Variants in FSHR observed in about 807,000 individuals in gnomAD.
The protein encoded by FSHR is follicle stimulating hormone receptor.
FSHR carries 46 observed loss-of-function variants against 52.1 expected under a neutral mutation model. The observed-to-expected ratio is 0.88, with a 90% CI of 0.70 to 1.13. The LOEUF (loss-of-function observed/expected upper bound fraction) is 1.13. Among genes scored for constraint, FSHR ranks in the 50% most tolerant of loss-of-function variants. The probability of loss-of-function intolerance (pLI) is 0.00; values close to 1 mark genes in which losing one functional copy is unlikely to be tolerated. For synonymous variants in FSHR, 399 were observed against 309.6 expected (o/e 1.29, Z -3.03); for missense variants, 964 against 834.6 (o/e 1.16, Z -1.91).
At chr2:48,983,382 C>A (rs1377465552) in intron 6 of FSHR, among the ~76,000 whole-genome samples, 1 of 152,084 alleles carries the variant, frequency 6.6e-6, no homozygotes, top group Non-Finnish European at 1.5e-5. Flanking sequence ...CATGTATTAC[C>A]TATTCAAAGG....
At chr2:48,991,481 C>T (rs1199144373) in intron 4 of FSHR, among the ~76,000 whole-genome samples, 1 of 152,118 alleles carries the variant, frequency 6.6e-6, no homozygotes, top group African/African-American at 2.4e-5. Context: ...TGTAGACTCC[C>T]CTTTCCTATT....
At chr2:49,047,662 A>T (rs1419684124) in intron 2 of FSHR, among the ~76,000 whole-genome samples, 1 of 152,226 alleles carries the variant, frequency 6.6e-6, no homozygotes. Context: ...CAAAAGGCAT[A>T]TTGGGTTGGA....
In FSHR at chr2:49,085,529, G is replaced by T. The variant is rs561943881; in HGVS notation, c.153-17239C>A. Reference sequence around the variant, plus strand: ...GCAGAGCTTTACTTCCAACTATGTGGTCAATTTTGGAATAGGTGTGGTGTG... The same window carrying T: ...GCAGAGCTTTACTTCCAACTATGTGTTCAATTTTGGAATAGGTGTGGTGTG... On this transcript the variant is annotated intron_variant, in intron 1 of 9. Transcript: ENST00000406846. Among the ~76,000 whole-genome samples, 2 of 152,176 alleles carry T rather than the reference G, an allele frequency of 1.3e-5. 1 individual carries two copies. Among genetic ancestry groups the T allele is most frequent in the African/African-American group, 4.8e-5 (2 of 41,444 alleles).
At chr2:49,137,463 G>T (rs1017453782) in intron 1 of FSHR, among the ~76,000 whole-genome samples, 1 of 152,074 alleles carries the variant, frequency 6.6e-6, no homozygotes, top group African/African-American at 2.4e-5. Flanking sequence ...TATCCCAGCT[G>T]ATTTCTTTGA....
intron 1 of FSHR, 91 bp downstream of exon 1, chr2:49,154,175 C>A (rs1673162266): frequency 5.8e-6 from 8 of 1,377,388 alleles, no homozygotes; most frequent in Non-Finnish European, 6.2e-6. Flanking sequence ...ATATTTCAGT[C>A]TAACAGATAT....
chr2:49,129,640 T>TG (rs1031371143), intron 1 of FSHR, among the ~76,000 whole-genome samples: 16 of 152,170 alleles, frequency 1.1e-4, no homozygotes, highest in Non-Finnish European at 2.2e-4. Context: ...CATCACTGAC[T>TG]GGGGGCTCCA....
intron 2 of FSHR, among the ~76,000 whole-genome samples, chr2:49,035,365 C>T (rs1486928049): frequency 6.6e-6 from 1 of 152,234 alleles, no homozygotes; most frequent in Non-Finnish European, 1.5e-5. Context: ...AGACCAAGGA[C>T]AATTGGCATT....
chr2:49,028,970 G>C (rs1295597719), intron 2 of FSHR, among the ~76,000 whole-genome samples: 1 of 152,184 alleles, frequency 6.6e-6, no homozygotes, highest in Non-Finnish European at 1.5e-5. Context: ...TAGTACCCTG[G>C]GTGGTTGCTA....
chr2:49,039,746 T>C (rs572520333), intron 2 of FSHR, among the ~76,000 whole-genome samples: 2 of 152,228 alleles, frequency 1.3e-5, no homozygotes, highest in African/African-American at 4.8e-5. Context: ...CTAAAATATT[T>C]TGCAGGTATA....
chr2:48,975,985 C>T (rs890623263), intron 8 of FSHR, among the ~76,000 whole-genome samples: 8 of 152,198 alleles, frequency 5.3e-5, no homozygotes, highest in Non-Finnish European at 7.3e-5. Context: ...ATTTCTTTCT[C>T]TTGCCTGATT....
intron 2 of FSHR, among the ~76,000 whole-genome samples, chr2:49,055,959 G>A (rs1669047556): frequency 6.6e-6 from 1 of 151,964 alleles, no homozygotes; most frequent in Admixed American, 6.6e-5. Flanking sequence ...ATGACAACAT[G>A]CAAAACTCTA....
chr2:49,045,746 C>A (rs374249922), intron 2 of FSHR, among the ~76,000 whole-genome samples: 273 of 152,290 alleles, frequency 1.8e-3, no homozygotes, highest in African/African-American at 6.3e-3. Flanking sequence ...AGACATCCAT[C>A]CGCTTCTAAA....
chr2:49,126,915 T>A (rs985210716), intron 1 of FSHR, among the ~76,000 whole-genome samples: 2 of 152,166 alleles, frequency 1.3e-5, no homozygotes, highest in Admixed American at 6.5e-5. Flanking sequence ...CCTAAATTCA[T>A]CAGACAGAAA....
rs770473275 is a variant in FSHR at position 49,154,343 on chromosome 2, G to A, written c.75C>T (p.Cys25=). 1.9e-6 allele frequency: 3 copies of A among 1,613,792 alleles called. No homozygotes were observed. Among genetic ancestry groups the A allele is most frequent in the East Asian group, 4.5e-5 (2 of 44,844 alleles). ...GSGCHHRICH[C]SNRVFLCQES... is the part of the protein sequence containing the mutation. ...CTTGGCAGAGAAAAACCCTGTTAGAGCAGTGACAGATCCGATGATGACATC... is the reference window on the plus strand; with the variant it reads ...CTTGGCAGAGAAAAACCCTGTTAGAACAGTGACAGATCCGATGATGACATC... The change falls in exon 1 of 10, where the codon TGC becomes TGT. Residue 25 remains cysteine, a synonymous_variant. Transcript: ENST00000406846.
chr2:48,962,867 G>A lies in FSHR; in HGVS notation c.1954C>T (p.Gln652Ter). 6.2e-7 allele frequency: 1 copy of A among 1,614,090 alleles called. No homozygotes were observed. Among genetic ancestry groups the A allele is most frequent in the African/African-American group, 1.3e-5 (1 of 75,022 alleles). Residue 652 changes from glutamine (Q) to a stop codon, truncating the protein, a stop_gained, in exon 10 of 10, where the codon CAA (glutamine) becomes TAA (stop). Coordinates refer to ENST00000406846, the MANE Select transcript of FSHR (RefSeq NM_000145.4). LOFTEE classifies it high-confidence loss of function. ...GATGAAGTTTCTGTCCTATAAATTTGGGCTTGCATTTCATAGCAGCCACAC... is the reference window on the plus strand; with the variant it reads ...GATGAAGTTTCTGTCCTATAAATTTAGGCTTGCATTTCATAGCAGCCACAC... ...SKCGCYEMQA[Q>*]IYRTETSSTV...
intron 1 of FSHR, among the ~76,000 whole-genome samples, chr2:49,114,197 G>A (rs4971637): frequency 1.4e-4 from 21 of 151,898 alleles, no homozygotes; most frequent in African/African-American, 4.4e-4. Context: ...TCACCACATC[G>A]CCAGTACAAT....
chr2:49,050,622 C>A (rs1668822504), intron 2 of FSHR, among the ~76,000 whole-genome samples: 1 of 152,152 alleles, frequency 6.6e-6, no homozygotes, highest in African/African-American at 2.4e-5. Context: ...CATAAGGATA[C>A]TCTGATGTTG....
At chr2:49,008,521 T>C (rs188190700) in intron 4 of FSHR, among the ~76,000 whole-genome samples, 150 of 152,164 alleles carry the variant, frequency 9.9e-4, no homozygotes, top group African/African-American at 3.5e-3. Flanking sequence ...GCATGATTTA[T>C]AGTCCCTTGG....
At position 48,963,436 on chromosome 2, in the gene FSHR, G is replaced by C; in HGVS notation, c.1385C>G (p.Ala462Gly). Residue 462 changes from alanine to glycine, a missense_variant, in exon 10 of 10, where the codon GCT (alanine) becomes GGT (glycine). Ala to Gly is a moderately conservative substitution (Grantham distance 60). Coordinates refer to ENST00000406846, the MANE Select transcript of FSHR (RefSeq NM_000145.4). The part of the protein sequence containing the change: ...ASELSVYTLT[A>G]ITLERWHTIT... ...GGTATGCCATCTTTCCAAGGTGATAGCTGTCAGAGTGTAGACTGACAGCTC... is the reference window on the plus strand; with the variant it reads ...GGTATGCCATCTTTCCAAGGTGATACCTGTCAGAGTGTAGACTGACAGCTC... 1 of 1,614,166 alleles carries C rather than the reference G, an allele frequency of 6.2e-7. No individual in the cohort carries two copies. The highest frequency in any genetic ancestry group is 8.5e-7 in the Non-Finnish European group (1 of 1,180,022).
Sources: gnomAD v4.1 joint callset for allele counts (sites outside exome capture counted in the v4.1 genomes callset) on GRCh38, gnomAD v4.1.1 for gene constraint, MANE v1.5 for transcripts, NCBI Gene and HGNC (gene_info 2026-07-23, HGNC 2026-07-21) for gene names.